Variants in ERBB4 observed in about 807,000 individuals in gnomAD.
ERBB4 encodes the protein receptor tyrosine-protein kinase erbB-4.
In ERBB4, 42 loss-of-function variants were observed where a neutral mutation model predicts 158.0. That is an observed-to-expected ratio of 0.27 (90% CI 0.21 to 0.34). The LOEUF (loss-of-function observed/expected upper bound fraction) is 0.34. Among genes scored for constraint, ERBB4 ranks in the 10% least tolerant of loss-of-function variants. ERBB4 has a pLI of 1.00. For missense variants in ERBB4, 1,333 were observed against 1,624.1 expected (o/e 0.82, Z 3.08); for synonymous variants, 583 against 558.7 (o/e 1.04, Z -0.61).
At chr2:211,734,845 T>C (rs932187709) in intron 5 of ERBB4, among the ~76,000 whole-genome samples, 1 of 135,102 alleles carries the variant, frequency 7.4e-6, no homozygotes, top group Non-Finnish European at 1.5e-5. Flanking sequence ...GGTATGAACT[T>C]GGGAGGCAGA....
intron 1 of ERBB4, among the ~76,000 whole-genome samples, chr2:212,345,488 C>A (rs2088953007): frequency 6.6e-6 from 1 of 151,916 alleles, no homozygotes. Context: ...CTCTCTGATA[C>A]GGTGGCTTAA....
At chr2:211,995,356 T>C (rs185744855) in intron 2 of ERBB4, among the ~76,000 whole-genome samples, 216 of 152,354 alleles carry the variant, frequency 1.4e-3, no homozygotes, top group Non-Finnish European at 2.5e-3. Flanking sequence ...AGTTCTTATG[T>C]GTAAATTCGT....
At chr2:211,927,264 G>A (rs1559117504) in intron 3 of ERBB4, among the ~76,000 whole-genome samples, 1 of 152,104 alleles carries the variant, frequency 6.6e-6, no homozygotes, top group Non-Finnish European at 1.5e-5. Context: ...AACATAGTCT[G>A]CATAATTTTT....
At chr2:212,267,606 T>TTC (rs58692850) in intron 1 of ERBB4, among the ~76,000 whole-genome samples, 5 of 150,754 alleles carry the variant, frequency 3.3e-5, no homozygotes, top group East Asian at 1.9e-4. Flanking sequence ...TCTTTTTTTT[T>TTC]TTTTTATTAT....
chr2:211,859,853 T>C (rs1406567096), intron 3 of ERBB4, among the ~76,000 whole-genome samples: 1 of 152,200 alleles, frequency 6.6e-6, no homozygotes, highest in Non-Finnish European at 1.5e-5. Flanking sequence ...CAGAAATGAT[T>C]AGCAGCAATG....
intron 3 of ERBB4, among the ~76,000 whole-genome samples, chr2:211,858,626 G>C (rs1004826467): frequency 3.3e-5 from 5 of 151,682 alleles, no homozygotes; most frequent in Non-Finnish European, 5.9e-5. Context: ...TAAAATCCTT[G>C]GCTAGCGTTT....
chr2:211,400,245 C>T (rs2063006444), intron 25 of ERBB4, among the ~76,000 whole-genome samples: 2 of 151,902 alleles, frequency 1.3e-5, no homozygotes, highest in South Asian at 2.1e-4. Flanking sequence ...TTTATAAGCT[C>T]GTGTTTATGA....
chr2:211,726,369 A>C (rs935481779), intron 5 of ERBB4, among the ~76,000 whole-genome samples: 4 of 152,118 alleles, frequency 2.6e-5, no homozygotes, highest in Non-Finnish European at 5.9e-5. Flanking sequence ...TACAGCATGC[A>C]TTTCTAGCTG....
At chr2:212,471,591 T>G (rs1689120420) in intron 1 of ERBB4, among the ~76,000 whole-genome samples, 2 of 151,878 alleles carry the variant, frequency 1.3e-5, no homozygotes, top group African/African-American at 4.8e-5. Flanking sequence ...CCTAGCTTAT[T>G]TTAGTGGATA....
At chr2:211,679,283 G>T in intron 12 of ERBB4, 99 bp from the exon 13 acceptor site, 1 of 1,365,982 alleles carries the variant, frequency 7.3e-7, no homozygotes. Flanking sequence ...TCACTTAAAA[G>T]AGATATATGG....
chr2:212,443,973 G>T (rs994122328), intron 1 of ERBB4, among the ~76,000 whole-genome samples: 4 of 152,068 alleles, frequency 2.6e-5, no homozygotes, highest in Admixed American at 2.6e-4. Context: ...GCCATAAAGT[G>T]GGTCATAAAA....
intron 2 of ERBB4, among the ~76,000 whole-genome samples, chr2:211,981,998 G>T (rs967933736): frequency 1.3e-5 from 2 of 151,968 alleles, no homozygotes; most frequent in Non-Finnish European, 2.9e-5. Context: ...TAGTGTATAA[G>T]ATAAACTTCA....
Position 211,755,437 on chromosome 2 carries a change from G to A in ERBB4, c.557-4733C>T, listed in dbSNP as rs561573549. 9.8e-5 allele frequency among the ~76,000 whole-genome samples: 15 copies of A among 152,288 alleles called. No homozygotes were observed. In the South Asian group the frequency reaches 1.9e-3, roughly 19 times the overall value. On this transcript the variant is annotated intron_variant, in intron 4 of 27. Transcript: ENST00000342788. ...GGATCACTGGAACCTGGGAGGCGAA[G>A]GTTGCAGTGAGCCATGATTGCTCCA...
intron 5 of ERBB4, among the ~76,000 whole-genome samples, chr2:211,744,768 C>T (rs540654651): frequency 6.6e-6 from 1 of 152,284 alleles, no homozygotes; most frequent in Admixed American, 6.5e-5. Context: ...GAAATATATG[C>T]GTCACTTCAG....
chr2:211,640,474 G>T (rs183687726), intron 16 of ERBB4, among the ~76,000 whole-genome samples: 1 of 152,142 alleles, frequency 6.6e-6, no homozygotes, highest in Non-Finnish European at 1.5e-5. Context: ...CCTTTTCCTA[G>T]ATATTTTATA....
chr2:211,479,916 AG>A (rs2065042273), intron 20 of ERBB4, among the ~76,000 whole-genome samples: 1 of 152,066 alleles, frequency 6.6e-6, no homozygotes, highest in Admixed American at 6.6e-5. Context: ...TTTTTTTCAG[AG>A]AAAGGTAAAT....
chr2:211,776,881 G>A (rs2075890103), intron 4 of ERBB4, among the ~76,000 whole-genome samples: 1 of 152,106 alleles, frequency 6.6e-6, no homozygotes, highest in Non-Finnish European at 1.5e-5. Context: ...ATACAGAATG[G>A]AGGGTTTATT....
At chr2:211,875,025 CAAA>C (rs746636278) in intron 3 of ERBB4, among the ~76,000 whole-genome samples, 1 of 27,030 alleles carries the variant, frequency 3.7e-5, no homozygotes, top group Non-Finnish European at 6.5e-5. Flanking sequence ...AATAGAAATG[CAAA>C]AAAAAAAAAA....
At chr2:212,086,400 A>C (rs2078612512) in intron 2 of ERBB4, among the ~76,000 whole-genome samples, 1 of 151,490 alleles carries the variant, frequency 6.6e-6, no homozygotes, top group African/African-American at 2.4e-5. Context: ...TCTATGGAAT[A>C]TTTCTGATTT....
Sources: allele counts gnomAD v4.1 joint callset (sites outside exome capture counted in the v4.1 genomes callset), GRCh38; gene constraint gnomAD v4.1.1; transcripts MANE v1.5; gene names NCBI Gene and HGNC (gene_info 2026-07-23, HGNC 2026-07-21).